The following DHRS7B variants were observed in gnomAD, a reference collection of about 807,000 sequenced individuals.
DHRS7B encodes the protein peroxisomal reductase activating PPAR-gamma.
Under a neutral mutation model 26.4 loss-of-function variants are expected in DHRS7B, and 24 were observed. That is an observed-to-expected ratio of 0.91 (90% CI 0.66 to 1.28). The LOEUF (loss-of-function observed/expected upper bound fraction) is 1.28, where lower values mean the gene tolerates loss of function less well. DHRS7B is among the 50% of genes most tolerant of loss of function. The pLI, the probability that DHRS7B is intolerant of heterozygous loss-of-function variation, is 0.00. For missense variants in DHRS7B, 368 were observed against 419.4 expected (o/e 0.88, Z 1.07); for synonymous variants, 142 against 166.4 (o/e 0.85, Z 1.13).
chr17:21,173,250 A>G (rs1169040506), intron 2 of DHRS7B, among the ~76,000 whole-genome samples: 2 of 152,264 alleles, frequency 1.3e-5, no homozygotes, highest in African/African-American at 4.8e-5. Context: ...CCTGGTGGCA[A>G]CAAGGCACAT....
intron 1 of DHRS7B, chr17:21,168,593 T>C (rs2144099328): frequency 5.2e-6 from 2 of 384,156 alleles, no homozygotes; most frequent in South Asian, 1.1e-4. Context: ...GGTCTTGAAT[T>C]CCCAGGCTGA....
At chr17:21,141,453 C>G (rs150332230) in intron 1 of DHRS7B, among the ~76,000 whole-genome samples, 271 of 151,844 alleles carry the variant, frequency 1.8e-3, no homozygotes, top group Non-Finnish European at 2.5e-3. Flanking sequence ...ATAGCAAAAA[C>G]AAACACACAC....
intron 1 of DHRS7B, among the ~76,000 whole-genome samples, chr17:21,142,132 A>G (rs1973529906): frequency 6.6e-6 from 1 of 152,170 alleles, no homozygotes; most frequent in Admixed American, 6.5e-5. Context: ...CGAGCTCTTC[A>G]GGTGCTCAAC....
chr17:21,155,059 G>A (rs1378304542), intron 1 of DHRS7B, among the ~76,000 whole-genome samples: 2 of 152,048 alleles, frequency 1.3e-5, no homozygotes, highest in African/African-American at 4.8e-5. Flanking sequence ...AAGAACTGTG[G>A]AAGACAAAAA....
chr17:21,132,092 TGATTTGCA>T (rs1199902033), intron 1 of DHRS7B, among the ~76,000 whole-genome samples: 3 of 152,146 alleles, frequency 2.0e-5, no homozygotes, highest in African/African-American at 4.8e-5. Flanking sequence ...GAACAAAGAA[TGATTTGCA>T]GATCAGCAGC....
chr17:21,170,150 T>C (rs1974206242), intron 1 of DHRS7B, among the ~76,000 whole-genome samples: 1 of 152,164 alleles, frequency 6.6e-6, no homozygotes, highest in Admixed American at 6.5e-5. Context: ...ATCAACAAAA[T>C]GGCAACCATT....
At chr17:21,138,075 A>AATATAT (rs1215794776) in intron 1 of DHRS7B, among the ~76,000 whole-genome samples, 1 of 33,230 alleles carries the variant, frequency 3.0e-5, no homozygotes, top group African/African-American at 1.4e-4. Context: ...TTAAAAAAAA[A>AATATAT]ATATATATAT....
rs147554727 is a variant in DHRS7B at position 21,187,094 on chromosome 17, G to GATATATATATATATAT, written c.620-1613_620-1598dup. 9.0e-3 allele frequency among the ~76,000 whole-genome samples: 1,287 copies of GATATATATATATATAT among 143,000 alleles called. 21 individuals carry two copies. The highest frequency in any genetic ancestry group is 0.03 in the African/African-American group (1,146 of 38,000). 93.8% of individuals were successfully genotyped at this position (143,000 alleles called of 152,430 possible). Reference sequence around the variant, plus strand: ...GTAAGAGTTCATTTCTGTATTAAAAGATATATATATATATATATAAAATAT... The same window carrying GATATATATATATATAT: ...GTAAGAGTTCATTTCTGTATTAAAAGATATATATATATATATATATATATATATATATATAAAATAT... On this transcript the variant is annotated intron_variant, in intron 5 of 6. Transcript: ENST00000395511.
intron 1 of DHRS7B, among the ~76,000 whole-genome samples, chr17:21,139,545 G>T (rs565639463): frequency 6.6e-6 from 1 of 152,062 alleles, no homozygotes; most frequent in South Asian, 2.1e-4. Flanking sequence ...GTGGTGGCAC[G>T]TGCCTGTAAT....
Position 21,140,914 on chromosome 17 carries a change from G to A in DHRS7B, c.20+13923G>A, listed in dbSNP as rs556079518. 4.6e-4 allele frequency among the ~76,000 whole-genome samples: 69 copies of A among 151,576 alleles called. 1 individual carries two copies. The highest frequency in any genetic ancestry group is 1.6e-3 in the African/African-American group (64 of 41,064). ...CCCTTTTTCTTTTTTTTCTTAAAAGGGGGAACTGAGCTTGTAGCCTAGGGT... is the reference window on the plus strand; with the variant it reads ...CCCTTTTTCTTTTTTTTCTTAAAAGAGGGAACTGAGCTTGTAGCCTAGGGT... On this transcript the variant is annotated intron_variant, in intron 1 of 6. Coordinates refer to ENST00000395511, the MANE Select transcript of DHRS7B (RefSeq NM_015510.5).
intron 5 of DHRS7B, among the ~76,000 whole-genome samples, chr17:21,186,789 C>T (rs1237410535): frequency 6.6e-6 from 1 of 152,172 alleles, no homozygotes; most frequent in East Asian, 1.9e-4. Context: ...AGCCCTTGCT[C>T]GAGAGCAGGC....
intron 1 of DHRS7B, among the ~76,000 whole-genome samples, chr17:21,136,300 T>TA (rs917004755): frequency 0.037 from 4,007 of 108,814 alleles, 158 homozygotes; most frequent in African/African-American, 0.13. Context: ...AAAACTCCAT[T>TA]AAAAAAAAAA....
Position 21,159,273 on chromosome 17 carries a change from A to G in DHRS7B, c.21-12745A>G, listed in dbSNP as rs1471851513. On this transcript the variant is annotated intron_variant, in intron 1 of 6. Coordinates refer to ENST00000395511, the MANE Select transcript of DHRS7B (RefSeq NM_015510.5). ...TTCTTTTTTTTTTTTTTAAAGACGG[A>G]GTCTTGCTCTGTCGCCCAGGCTAGA... 2.7e-5 allele frequency among the ~76,000 whole-genome samples: 4 copies of G among 148,546 alleles called. No homozygotes were observed. In the East Asian group the frequency reaches 7.8e-4, roughly 29 times the overall value.
At position 21,164,393 on chromosome 17, in the gene DHRS7B, C is replaced by T. The variant is rs76903534; in HGVS notation, c.21-7625C>T. Among the ~76,000 whole-genome samples the T allele has an allele frequency of 6.7e-3, 1,013 of 152,214 alleles. 9 individuals carry two copies. Among genetic ancestry groups the T allele is most frequent in the African/African-American group, 0.022 (895 of 41,532 alleles). ...AGTTCCTCTTAGATACTCTAGTTGA[C>T]GCTGTAGCATCTCCTTTTAAACTAG... On this transcript the variant is annotated intron_variant, in intron 1 of 6. Transcript: ENST00000395511.
At position 21,191,195 on chromosome 17, in the gene DHRS7B, T is replaced by C. The variant is rs1478960757; in HGVS notation, c.*42T>C. ...GGCCAGGGCAGAGAAGCAGCACTCT[T>C]AGGCTTGCTTACTCTACAAGGGACA... On this transcript the variant is annotated 3_prime_UTR_variant, in exon 7 of 7. Transcript: ENST00000395511. 1 of 1,591,020 alleles carries C rather than the reference T, an allele frequency of 6.3e-7. No homozygotes were observed. Among genetic ancestry groups the C allele is most frequent in the Admixed American group, 1.7e-5 (1 of 59,752 alleles).
At chr17:21,136,974 C>A (rs1043917606) in intron 1 of DHRS7B, among the ~76,000 whole-genome samples, 1 of 144,470 alleles carries the variant, frequency 6.9e-6, no homozygotes, top group African/African-American at 2.5e-5. Flanking sequence ...ATTTTTATTT[C>A]TTTTTTTTTT....
rs1254334746 is a variant in DHRS7B, at chr17:21,159,270, C to T, written c.21-12748C>T. Reference sequence around the variant, plus strand: ...TCTTTCTTTTTTTTTTTTTTAAAGACGGAGTCTTGCTCTGTCGCCCAGGCT... The same window carrying T: ...TCTTTCTTTTTTTTTTTTTTAAAGATGGAGTCTTGCTCTGTCGCCCAGGCT... On this transcript the variant is annotated intron_variant, in intron 1 of 6. Transcript: ENST00000395511. 6.8e-5 allele frequency among the ~76,000 whole-genome samples: 10 copies of T among 146,062 alleles called. 1 individual carries two copies. The highest frequency in any genetic ancestry group is 3.6e-3 in the Middle Eastern group (1 of 280).
chr17:21,159,862 CAAAAAA>C (rs59176427), intron 1 of DHRS7B, among the ~76,000 whole-genome samples: 1 of 62,196 alleles, frequency 1.6e-5, no homozygotes, highest in African/African-American at 6.1e-5. Flanking sequence ...GACCCTGTCT[CAAAAAA>C]AAAAAAAAAA....
chr17:21,178,416 C>A, intron 3 of DHRS7B, 74 bp downstream of exon 3: 1 of 1,210,532 alleles, frequency 8.3e-7, no homozygotes, highest in South Asian at 1.3e-5. Flanking sequence ...GATAGTGGCC[C>A]ACTCCTGGAC....
Sources: allele counts gnomAD v4.1 joint callset (sites outside exome capture counted in the v4.1 genomes callset), GRCh38; gene constraint gnomAD v4.1.1; transcripts MANE v1.5; gene names NCBI Gene and HGNC (gene_info 2026-07-23, HGNC 2026-07-21).